The following KCNH8 variants were observed in gnomAD, a reference collection of about 807,000 sequenced individuals.
The protein encoded by KCNH8 is potassium voltage-gated channel subfamily H member 8.
Under a neutral mutation model 103.6 loss-of-function variants are expected in KCNH8, and 70 were observed. The observed-to-expected ratio is 0.68, with a 90% CI of 0.56 to 0.82. KCNH8 has a LOEUF of 0.82. KCNH8 is among the 40% of genes least tolerant of loss of function. The probability of loss-of-function intolerance (pLI) is 0.00; values close to 1 mark genes in which losing one functional copy is unlikely to be tolerated. For missense variants in KCNH8, 1,217 were observed against 1,329.9 expected, an observed-to-expected ratio of 0.92 and a Z score of 1.32; for synonymous variants, 498 against 489.4, an observed-to-expected ratio of 1.02 and a Z score of -0.23.
chr3:19,400,378 C>A (rs931280119), intron 7 of KCNH8, among the ~76,000 whole-genome samples: 1 of 151,552 alleles, frequency 6.6e-6, no homozygotes, highest in African/African-American at 2.4e-5. Flanking sequence ...ACTTACCAAT[C>A]TGTGTTTCCT....
At chr3:19,202,570 G>A (rs1440182782) in intron 1 of KCNH8, among the ~76,000 whole-genome samples, 1 of 152,118 alleles carries the variant, frequency 6.6e-6, no homozygotes, top group East Asian at 1.9e-4. Flanking sequence ...AAGCTGCCAA[G>A]CCACCAATGA....
At chr3:19,380,457 C>T (rs1283030845) in intron 5 of KCNH8, among the ~76,000 whole-genome samples, 2 of 152,108 alleles carry the variant, frequency 1.3e-5, no homozygotes, top group East Asian at 3.8e-4. Context: ...CCACTCAATT[C>T]TTGTTATTTC....
At chr3:19,382,842 G>T (rs1444255267) in intron 5 of KCNH8, among the ~76,000 whole-genome samples, 1 of 152,056 alleles carries the variant, frequency 6.6e-6, no homozygotes. Context: ...GTCTCAGTGG[G>T]ATATAGTGTA....
At chr3:19,328,342 T>C (rs2065459761) in intron 3 of KCNH8, among the ~76,000 whole-genome samples, 1 of 152,188 alleles carries the variant, frequency 6.6e-6, no homozygotes, top group Admixed American at 6.5e-5. Flanking sequence ...TGATGGTTAT[T>C]AATAGTATTT....
intron 3 of KCNH8, among the ~76,000 whole-genome samples, chr3:19,312,160 T>C (rs2065216328): frequency 6.6e-6 from 1 of 151,980 alleles, no homozygotes; most frequent in Non-Finnish European, 1.5e-5. Flanking sequence ...AGTTTAACTT[T>C]GTTGTGAATT....
At chr3:19,333,337 T>C (rs950804741) in intron 3 of KCNH8, among the ~76,000 whole-genome samples, 1 of 152,218 alleles carries the variant, frequency 6.6e-6, no homozygotes, top group Non-Finnish European at 1.5e-5. Flanking sequence ...TTCCATATAC[T>C]ATTAAAATTT....
rs560273539 is a variant in KCNH8 at position 19,149,264 on chromosome 3, G to A, written c.76+469G>A. ...GATTTTCTATCTGAGTTTAAGAAAT[G>A]CAGGATTGCCAAGTGTAAGCTTTCT... On this transcript the variant is annotated intron_variant, in intron 1 of 15. Coordinates refer to ENST00000328405, the MANE Select transcript of KCNH8 (RefSeq NM_144633.3). Among the ~76,000 whole-genome samples the A allele has an allele frequency of 1.5e-3, 232 of 152,198 alleles. 3 individuals are homozygous for A. Among genetic ancestry groups the A allele is most frequent in the African/African-American group, 4.9e-3 (203 of 41,538 alleles).
At chr3:19,271,060 A>C (rs1433577000) in intron 2 of KCNH8, among the ~76,000 whole-genome samples, 1 of 152,156 alleles carries the variant, frequency 6.6e-6, no homozygotes, top group African/African-American at 2.4e-5. Flanking sequence ...CAATATATAG[A>C]ACCATAATAT....
At chr3:19,342,149 G>T (rs1396549017) in intron 3 of KCNH8, among the ~76,000 whole-genome samples, 1 of 151,996 alleles carries the variant, frequency 6.6e-6, no homozygotes, top group Non-Finnish European at 1.5e-5. Flanking sequence ...TGTGAAAAAA[G>T]TAATAAGTAA....
chr3:19,435,482 C>T (rs552075358), intron 7 of KCNH8, among the ~76,000 whole-genome samples: 1 of 152,190 alleles, frequency 6.6e-6, no homozygotes, highest in Admixed American at 6.5e-5. Context: ...ATCTAGAGCA[C>T]AGGTAGCACT....
At chr3:19,264,556 C>A (rs770864887) in intron 2 of KCNH8, among the ~76,000 whole-genome samples, 1 of 152,074 alleles carries the variant, frequency 6.6e-6, no homozygotes, top group Non-Finnish European at 1.5e-5. Context: ...GAGATCAGGT[C>A]GCAGTGCATT....
intron 15 of KCNH8, among the ~76,000 whole-genome samples, chr3:19,528,401 TG>T (rs1324362193): frequency 6.6e-6 from 1 of 151,970 alleles, no homozygotes; most frequent in African/African-American, 2.4e-5. Flanking sequence ...AAGTTTATGC[TG>T]GGACAGATGA....
chr3:19,347,421 G>A (rs1358021080), intron 4 of KCNH8, among the ~76,000 whole-genome samples: 2 of 151,994 alleles, frequency 1.3e-5, no homozygotes, highest in Non-Finnish European at 2.9e-5. Flanking sequence ...AGAATTACAT[G>A]TAACTGTGAA....
intron 3 of KCNH8, among the ~76,000 whole-genome samples, chr3:19,300,073 A>G (rs926858585): frequency 2.0e-5 from 3 of 151,878 alleles, no homozygotes; most frequent in Non-Finnish European, 4.4e-5. Context: ...ACATGGCGAA[A>G]CCCCATCTCT....
At chr3:19,274,989 A>G (rs2064647004) in intron 2 of KCNH8, among the ~76,000 whole-genome samples, 1 of 150,016 alleles carries the variant, frequency 6.7e-6, no homozygotes, top group South Asian at 2.1e-4. Flanking sequence ...AACATATTTT[A>G]AATTATCAAG....
Position 19,533,391 on chromosome 3 carries a change from A to G in KCNH8, c.2620-4A>G, listed in dbSNP as rs2069201088. On this transcript the variant is annotated splice_region_variant and splice_polypyrimidine_tract_variant and intron_variant, in intron 15 of 15. Coordinates refer to ENST00000328405, the MANE Select transcript of KCNH8 (RefSeq NM_144633.3). ...TTGTCTTTCACTTTGCTCTATCCACATAGGTAACAACATTGACTCAGGAAG... is the reference window on the plus strand; with the variant it reads ...TTGTCTTTCACTTTGCTCTATCCACGTAGGTAACAACATTGACTCAGGAAG... 1.2e-6 allele frequency: 2 copies of G among 1,604,562 alleles called. No individual in the cohort carries two copies. Among genetic ancestry groups the G allele is most frequent in the East Asian group, 2.2e-5 (1 of 44,850 alleles).
chr3:19,489,285 G>A (rs1336545575), intron 11 of KCNH8, among the ~76,000 whole-genome samples: 1 of 152,052 alleles, frequency 6.6e-6, no homozygotes, highest in East Asian at 1.9e-4. Context: ...CTGGTGTTGG[G>A]ACAGACAGGA....
At chr3:19,401,662 C>G (rs2066614979) in intron 7 of KCNH8, among the ~76,000 whole-genome samples, 1 of 151,850 alleles carries the variant, frequency 6.6e-6, no homozygotes, top group Non-Finnish European at 1.5e-5. Flanking sequence ...ATTTTAAAGA[C>G]TCAATTTTTT....
At chr3:19,519,328 G>C (rs1291743348) in intron 15 of KCNH8, among the ~76,000 whole-genome samples, 1 of 151,742 alleles carries the variant, frequency 6.6e-6, no homozygotes, top group African/African-American at 2.4e-5. Context: ...TCACGTGATG[G>C]TATTGATGAG....
Sources: gnomAD v4.1 joint callset for allele counts (sites outside exome capture counted in the v4.1 genomes callset) on GRCh38, gnomAD v4.1.1 for gene constraint, MANE v1.5 for transcripts, NCBI Gene and HGNC (gene_info 2026-07-23, HGNC 2026-07-21) for gene names.